Variants in PLEKHA1 observed in about 807,000 individuals in gnomAD.
PLEKHA1 encodes pleckstrin homology domain-containing family A member 1.
In PLEKHA1, 34 loss-of-function variants were observed where a neutral mutation model predicts 52.0. That is an observed-to-expected ratio of 0.65 (90% CI 0.50 to 0.87). PLEKHA1 has a LOEUF of 0.87. Ranked by LOEUF, PLEKHA1 falls within the 40% of genes least tolerant of loss-of-function variation. PLEKHA1 has a pLI of 0.00. For synonymous variants in PLEKHA1, 163 were observed against 170.7 expected, an observed-to-expected ratio of 0.95 and a Z score of 0.35; for missense variants, 497 against 504.2, an observed-to-expected ratio of 0.99 and a Z score of 0.14.
chr10:122,412,827 T>C, intron 5 of PLEKHA1, 93 bp from the exon 6 acceptor site: 1 of 1,401,552 alleles, frequency 7.1e-7, no homozygotes, highest in Admixed American at 1.8e-5. Flanking sequence ...GTCAACCGTA[T>C]GCAAACGGAT....
chr10:122,442,585 A>C, the PLEKHA1 span: 1 of 152,188 alleles, frequency 6.6e-6, no homozygotes, highest in African/African-American at 2.4e-5. Context: ...CAAAACAATA[A>C]AAGCAAAAAT....
chr10:122,385,311 C>CTTTTTTTTTTTTTTTTTTTTTTTTTTTTG (rs1196217497), intron 1 of PLEKHA1, among the ~76,000 whole-genome samples: 2 of 96,476 alleles, frequency 2.1e-5, no homozygotes, highest in Non-Finnish European at 3.8e-5. Flanking sequence ...TTGTGTCTGG[C>CTTTTTTTTTTTTTTTTTTTTTTTTTTTTG]TTTTTTTTTT....
At chr10:122,395,646 A>G (rs1457180938) in intron 2 of PLEKHA1, among the ~76,000 whole-genome samples, 1 of 152,066 alleles carries the variant, frequency 6.6e-6, no homozygotes, top group Non-Finnish European at 1.5e-5. Flanking sequence ...AAGTATAATA[A>G]CATGGTTATA....
chr10:122,380,173 A>G (rs1351786544), intron 1 of PLEKHA1, among the ~76,000 whole-genome samples: 9 of 152,202 alleles, frequency 5.9e-5, no homozygotes, highest in Admixed American at 5.9e-4. Context: ...ACAACTTTCT[A>G]TCTGGAAACT....
chr10:122,429,761 G>A lies in PLEKHA1; in HGVS notation c.1038G>A (p.Glu346=). The A allele has an allele frequency of 6.2e-7, 1 of 1,614,130 alleles. No individual in the cohort carries two copies. The highest frequency in any genetic ancestry group is 8.5e-7 in the Non-Finnish European group (1 of 1,180,022). ...CCATGGAGAAGCGAGGATTTTACGA[G>A]TCTCTTGCCAAGGTCAAGCCAGGGA... ...TFTMEKRGFY[E]SLAKVKPGNF... Residue 346 remains glutamate, a synonymous_variant, in exon 12 of 12, where the codon GAG becomes GAA. Transcript: ENST00000368990.
chr10:122,438,722 T>C, the PLEKHA1 span: 7,892 of 152,278 alleles, frequency 0.052, 254 homozygotes, highest in East Asian at 0.14. Flanking sequence ...ATAACTGTAG[T>C]CATTTTTGTC....
the PLEKHA1 span, chr10:122,440,145 A>G: frequency 6.6e-6 from 1 of 152,228 alleles, no homozygotes; most frequent in Non-Finnish European, 1.5e-5. Context: ...TTAAAGTGGT[A>G]GTACTCAGGT....
rs372400904 is a variant in PLEKHA1, at chr10:122,429,636, G to A, written c.913G>A (p.Gly305Ser). 9 of 1,613,448 alleles carry A rather than the reference G, an allele frequency of 5.6e-6. No homozygotes were observed. Among genetic ancestry groups the A allele is most frequent in the African/African-American group, 5.3e-5 (4 of 74,798 alleles). The change falls in exon 12 of 12, where the codon GGT (glycine) becomes AGT (serine). Residue 305 changes from glycine (G) to serine (S), a missense_variant. Gly to Ser is a moderately conservative substitution (Grantham distance 56). Coordinates refer to ENST00000368990, the MANE Select transcript of PLEKHA1 (RefSeq NM_001001974.4). ...CTCCTTTTTGCAGGAGCATCCCCCC[G>A]GTCCTTCAGAATCCAAACACGCTTT... Reference protein sequence around the residue: ...GRSASSEHPPGPSESKHAFRP... With the variant: ...GRSASSEHPPSPSESKHAFRP...
chr10:122,421,027 G>T (rs749311247), intron 8 of PLEKHA1: 1 of 152,212 alleles, frequency 6.6e-6, no homozygotes, highest in African/African-American at 2.4e-5. Context: ...CTGTATGTAT[G>T]ATGAGGAATG....
At chr10:122,429,527 TGTGTTTTA>T (rs2097394928) in intron 11 of PLEKHA1, 89 bp from the exon 12 acceptor site, 33 of 907,134 alleles carry the variant, frequency 3.6e-5, no homozygotes, top group Admixed American at 6.9e-5. Context: ...TGTGTGTGTG[TGTGTTTTA>T]TTTGTTTTTC....
At chr10:122,425,172 AAC>A (rs2097320259) in intron 10 of PLEKHA1, 3 of 372,514 alleles carry the variant, frequency 8.1e-6, no homozygotes, top group African/African-American at 6.2e-5. Context: ...AGTGAACTAG[AAC>A]TAAGTATTTA....
chr10:122,440,228 T>G, the PLEKHA1 span: 2 of 152,322 alleles, frequency 1.3e-5, no homozygotes, highest in African/African-American at 4.8e-5. Context: ...AAGTATAATT[T>G]CTTGTAAAGA....
At chr10:122,408,324 A>G (rs994313679) in intron 5 of PLEKHA1, among the ~76,000 whole-genome samples, 3 of 152,212 alleles carry the variant, frequency 2.0e-5, no homozygotes, top group Admixed American at 6.5e-5. Flanking sequence ...TATCAATGGT[A>G]TGAAACAGTC....
intron 5 of PLEKHA1, among the ~76,000 whole-genome samples, chr10:122,411,461 A>G (rs1371830684): frequency 2.6e-5 from 4 of 152,232 alleles, no homozygotes; most frequent in Non-Finnish European, 5.9e-5. Flanking sequence ...TCTGCATTGT[A>G]TACCCTCTTT....
chr10:122,422,199 A>G (rs985277479), intron 8 of PLEKHA1: 1 of 152,180 alleles, frequency 6.6e-6, no homozygotes, highest in Non-Finnish European at 1.5e-5. Context: ...ATATATGTAG[A>G]TGGATTGATG....
intron 7 of PLEKHA1, among the ~76,000 whole-genome samples, chr10:122,417,360 T>C (rs1279320938): frequency 6.6e-6 from 1 of 150,604 alleles, no homozygotes; most frequent in Non-Finnish European, 1.5e-5. Context: ...ATTAAAAATA[T>C]GAAATAGGCC....
chr10:122,410,997 A>G (rs916028213), intron 5 of PLEKHA1, among the ~76,000 whole-genome samples: 2 of 152,216 alleles, frequency 1.3e-5, no homozygotes, highest in African/African-American at 4.8e-5. Context: ...ATATGGTGCT[A>G]TTCATTAGAA....
At chr10:122,381,236 CAG>C (rs10692165) in intron 1 of PLEKHA1, among the ~76,000 whole-genome samples, 17,400 of 151,998 alleles carry the variant, frequency 0.11, 1,333 homozygotes, top group Non-Finnish European at 0.17. Flanking sequence ...TCACTTGGAC[CAG>C]AGAGGTAGCA....
chr10:122,394,035 C>T (rs1437213957), intron 2 of PLEKHA1, among the ~76,000 whole-genome samples: 4 of 143,108 alleles, frequency 2.8e-5, no homozygotes, highest in African/African-American at 7.8e-5. Context: ...TAGATATCAT[C>T]TGTGAAGTAG....
Sources: gnomAD v4.1 joint callset for allele counts (sites outside exome capture counted in the v4.1 genomes callset) on GRCh38, gnomAD v4.1.1 for gene constraint, MANE v1.5 for transcripts, NCBI Gene and HGNC (gene_info 2026-07-23, HGNC 2026-07-21) for gene names.